LSM4: variants seen among roughly 807,000 people sequenced by gnomAD.
The protein encoded by LSM4 is U6 snRNA-associated Sm-like protein LSm4.
A neutral mutation model predicts 22.3 loss-of-function variants in LSM4; 15 were observed. The observed-to-expected ratio is 0.67, with a 90% CI of 0.45 to 1.03. The LOEUF (loss-of-function observed/expected upper bound fraction) is 1.03. Among genes scored for constraint, LSM4 ranks in the 50% least tolerant of loss-of-function variants. LSM4 has a pLI of 0.00. For missense variants in LSM4, 127 were observed against 198.0 expected (o/e 0.64, Z 2.15); for synonymous variants, 90 against 79.8 (o/e 1.13, Z -0.68).
At chr19:18,307,622 C>A in intron 4 of LSM4, 67 bp from the exon 5 acceptor site, 1 of 1,196,962 alleles carries the variant, frequency 8.4e-7, no homozygotes, top group Non-Finnish European at 1.1e-6. Context: ...GATCCCGGCG[C>A]CCTGAAACTC....
At chr19:18,312,842 C>T (rs1266387131) in intron 2 of LSM4, 140 bp from the exon 3 acceptor site, 14 of 648,044 alleles carry the variant, frequency 2.2e-5, no homozygotes, top group Non-Finnish European at 3.6e-5. Context: ...AAATGGCCTT[C>T]CTTACAGGCG....
At position 18,312,654 on chromosome 19, in the gene LSM4, A is replaced by C; in HGVS notation, c.94T>G (p.Cys32Gly). Reference protein sequence around the residue: ...GETYNGHLVSCDNWMNINLRE... With the variant: ...GETYNGHLVSGDNWMNINLRE... ...AGGTTAATGTTCATCCAGTTGTCGCAGCTCACCAGGTGTCCATTGTACGTC... is the reference window on the plus strand; with the variant it reads ...AGGTTAATGTTCATCCAGTTGTCGCCGCTCACCAGGTGTCCATTGTACGTC... Residue 32 changes from cysteine (C) to glycine (G), a missense_variant, in exon 3 of 5, where the codon TGC becomes GGC. Coordinates refer to ENST00000593829, the MANE Select transcript of LSM4 (RefSeq NM_012321.5). The C allele has an allele frequency of 1.2e-6, 2 of 1,614,002 alleles. No homozygotes were observed. Among genetic ancestry groups the C allele is most frequent in the Non-Finnish European group, 1.7e-6 (2 of 1,179,908 alleles).
intron 4 of LSM4, 190 bp downstream of exon 4, chr19:18,309,488 G>A (rs1366296415): frequency 3.4e-6 from 2 of 594,890 alleles, no homozygotes; most frequent in South Asian, 4.4e-5. Flanking sequence ...GGCGCAGTGA[G>A]AGGAGGGCTG....
intron 4 of LSM4, 48 bp from the exon 5 acceptor site, chr19:18,307,603 CT>C: frequency 7.4e-7 from 1 of 1,344,704 alleles, no homozygotes. Context: ...TGGGTGGGAC[CT>C]TCGACAGGAT....
chr19:18,321,912 AC>A (rs1175169357), intron 1 of LSM4, among the ~76,000 whole-genome samples: 45 of 152,030 alleles, frequency 3.0e-4, no homozygotes, highest in African/African-American at 1.1e-3. Context: ...CTGAGCCCCT[AC>A]CCGCCAAATT....
In LSM4 at chr19:18,311,106, G is replaced by A. The variant is rs570314675; in HGVS notation, c.145-1245C>T. On this transcript the variant is annotated intron_variant, in intron 3 of 4. Coordinates refer to ENST00000593829, the MANE Select transcript of LSM4 (RefSeq NM_012321.5). ...GGAACCCCTCGAGGGCTCGTGGGGC[G>A]GACACACCATGGTTCTGTGGGGACT... Among the ~76,000 whole-genome samples, 67 of 152,230 alleles carry A rather than the reference G, an allele frequency of 4.4e-4. 1 individual carries two copies. In the South Asian group the frequency reaches 0.011, roughly 26 times the overall value.
intron 2 of LSM4, among the ~76,000 whole-genome samples, chr19:18,314,921 G>A (rs1366503694): frequency 6.6e-6 from 1 of 151,478 alleles, no homozygotes; most frequent in African/African-American, 2.4e-5. Context: ...GTCTCGCTCT[G>A]TCACCCAGGC....
chr19:18,317,515 ATTTTTG>A (rs1970369841), intron 1 of LSM4, among the ~76,000 whole-genome samples: 1 of 150,706 alleles, frequency 6.6e-6, no homozygotes, highest in Admixed American at 6.6e-5. Flanking sequence ...TTTTATTTTT[ATTTTTG>A]TATTTTTAGT....
intron 3 of LSM4, among the ~76,000 whole-genome samples, chr19:18,310,700 G>A (rs1049681795): frequency 1.3e-5 from 2 of 152,098 alleles, no homozygotes; most frequent in Non-Finnish European, 2.9e-5. Context: ...CTTTGCCCCC[G>A]ATGCCCTTTA....
intron 4 of LSM4, among the ~76,000 whole-genome samples, chr19:18,308,650 G>A (rs1970260306): frequency 6.6e-6 from 1 of 152,212 alleles, no homozygotes; most frequent in Admixed American, 6.5e-5. Context: ...AACAGGAACT[G>A]GAATCACGGT....
chr19:18,310,035 T>C lies in LSM4; in HGVS notation c.145-174A>G, dbSNP rs1970281828. On this transcript the variant is annotated intron_variant, in intron 3 of 4. Transcript: ENST00000593829. ...AAGGGTCCACCCTGCAGGCAGGATCTGTCCTGACCCCAGGCAATCCTTCAC... is the reference window on the plus strand; with the variant it reads ...AAGGGTCCACCCTGCAGGCAGGATCCGTCCTGACCCCAGGCAATCCTTCAC... The C allele has an allele frequency of 1.3e-5, 8 of 605,042 alleles. No homozygotes were observed. In the South Asian group the frequency reaches 1.7e-4, roughly 13 times the overall value. The allele number at this position is 605,042 out of a possible 1,614,324, so 37.5% of individuals were successfully genotyped here. A position where few individuals can be genotyped will look rare whatever the true frequency, so the allele number is the denominator to read the frequency against.
At chr19:18,307,790 G>A (rs112154325) in intron 4 of LSM4, among the ~76,000 whole-genome samples, 4 of 49,314 alleles carry the variant, frequency 8.1e-5, no homozygotes, top group Admixed American at 2.9e-4. Flanking sequence ...GGGATGCGGG[G>A]GGGGGGGACT....
intron 1 of LSM4, among the ~76,000 whole-genome samples, chr19:18,316,480 G>A (rs1364121751): frequency 6.6e-6 from 1 of 151,708 alleles, no homozygotes; most frequent in Non-Finnish European, 1.5e-5. Flanking sequence ...CCAAGCAGCT[G>A]GGGACAACAG....
Position 18,307,533 on chromosome 19 carries a change from T to C in LSM4, c.351A>G (p.Arg117=). The change falls in exon 5 of 5, where the codon CGA becomes CGG. Residue 117 remains arginine, a synonymous_variant. Transcript: ENST00000593829. ...CTCTGCCTGTGCCCGGGATCCCACC[T>C]CGGCCCCGGCCACCAAACACACCTA... ...AGRGVFGGRG[R]GGIPGTGRGQ... is the part of the protein sequence containing the mutation. 4 of 1,548,454 alleles carry C rather than the reference T, an allele frequency of 2.6e-6. No individual in the cohort carries two copies. Among genetic ancestry groups the C allele is most frequent in the Admixed American group, 2.0e-5 (1 of 50,402 alleles).
intron 1 of LSM4, among the ~76,000 whole-genome samples, chr19:18,319,181 G>A (rs1970393937): frequency 6.6e-6 from 1 of 152,112 alleles, no homozygotes; most frequent in Admixed American, 6.6e-5. Flanking sequence ...GGCAGAGGTT[G>A]CAGTGAGCCA....
intron 4 of LSM4, 56 bp downstream of exon 4, chr19:18,309,622 G>A (rs556043556): frequency 1.3e-6 from 2 of 1,509,150 alleles, no homozygotes; most frequent in Admixed American, 2.2e-5. Context: ...AAGGAGGGAT[G>A]CCACGTGTGG....
At chr19:18,319,367 G>T (rs573176779) in intron 1 of LSM4, among the ~76,000 whole-genome samples, 2 of 152,200 alleles carry the variant, frequency 1.3e-5, no homozygotes, top group South Asian at 2.1e-4. Flanking sequence ...TTCGAGACCA[G>T]CCTGGCCAAT....
chr19:18,312,438 G>T, intron 3 of LSM4, 166 bp downstream of exon 3: 2 of 602,734 alleles, frequency 3.3e-6, no homozygotes, highest in East Asian at 2.9e-5. Context: ...TGGGAGACTT[G>T]GTGGCCTAGC....
intron 1 of LSM4, 151 bp downstream of exon 1, chr19:18,322,867 C>G (rs183368852): frequency 6.8e-5 from 80 of 1,177,204 alleles, no homozygotes; most frequent in Non-Finnish European, 9.1e-5. Flanking sequence ...TCTCCGGCCT[C>G]AGTTTCCCAG....
Sources: allele counts gnomAD v4.1 joint callset (sites outside exome capture counted in the v4.1 genomes callset), GRCh38; gene constraint gnomAD v4.1.1; transcripts MANE v1.5; gene names NCBI Gene and HGNC (gene_info 2026-07-23, HGNC 2026-07-21).